Variants in PIWIL2 observed in about 807,000 individuals in gnomAD.
PIWIL2 encodes piwi like RNA-mediated gene silencing 2.
A neutral mutation model predicts 116.5 loss-of-function variants in PIWIL2; 81 were observed. That is an observed-to-expected ratio of 0.70 (90% CI 0.58 to 0.84). PIWIL2 has a LOEUF of 0.84. PIWIL2 is among the 40% of genes least tolerant of loss of function. The pLI is 0.00. For missense variants in PIWIL2, 1,272 were observed against 1,212.3 expected (o/e 1.05, Z -0.73); for synonymous variants, 489 against 429.5 (o/e 1.14, Z -1.71).
chr8:22,320,258 G>GTTT (rs1218378035), intron 20 of PIWIL2, among the ~76,000 whole-genome samples: 1 of 105,788 alleles, frequency 9.5e-6, no homozygotes, highest in South Asian at 3.5e-4. Context: ...GCTGCGCCCG[G>GTTT]CTTTTTTTTT....
chr8:22,286,720 G>A (rs2131991707), intron 6 of PIWIL2, among the ~76,000 whole-genome samples: 1 of 152,240 alleles, frequency 6.6e-6, no homozygotes, highest in South Asian at 2.1e-4. Context: ...CTCCCAGGCT[G>A]AAATGATTCT....
chr8:22,330,436 C>T (rs535289241), intron 20 of PIWIL2, among the ~76,000 whole-genome samples: 213 of 152,216 alleles, frequency 1.4e-3, no homozygotes, highest in African/African-American at 4.8e-3. Flanking sequence ...TGGTGGCTCA[C>T]GCCTATAATC....
chr8:22,321,391 GC>G (rs1831595531), intron 20 of PIWIL2, among the ~76,000 whole-genome samples: 1 of 152,180 alleles, frequency 6.6e-6, no homozygotes, highest in Non-Finnish European at 1.5e-5. Flanking sequence ...GGGATTACGG[GC>G]ATGAGCCACT....
chr8:22,303,258 A>G (rs1184910848), intron 10 of PIWIL2, among the ~76,000 whole-genome samples: 2 of 152,240 alleles, frequency 1.3e-5, no homozygotes, highest in Admixed American at 6.5e-5. Flanking sequence ...GTAAGTAACA[A>G]TGAAAATGGA....
At chr8:22,327,839 A>C (rs957486691) in intron 20 of PIWIL2, among the ~76,000 whole-genome samples, 1 of 152,222 alleles carries the variant, frequency 6.6e-6, no homozygotes, top group Non-Finnish European at 1.5e-5. Flanking sequence ...AGTTTTTAAA[A>C]TATTCTGGAA....
In PIWIL2 at chr8:22,283,067, A is replaced by G. The variant is rs769086050; in HGVS notation, c.459A>G (p.Leu153=). ...TLGRGSSDAS[L]LPLGRAAGGI... is the part of the protein sequence containing the mutation. ...GAAGAGGGAGTTCAGATGCGTCTTTATTACCACTGGGAAGAGCAGCAGGTG... is the reference window on the plus strand; with the variant it reads ...GAAGAGGGAGTTCAGATGCGTCTTTGTTACCACTGGGAAGAGCAGCAGGTG... Residue 153 remains leucine, a synonymous_variant, in exon 5 of 23, where the codon TTA becomes TTG. Transcript: ENST00000356766. The G allele has an allele frequency of 2.5e-6, 4 of 1,614,148 alleles. No homozygotes were observed. The highest frequency in any genetic ancestry group is 2.7e-5 in the African/African-American group (2 of 75,022).
Position 22,318,175 on chromosome 8 carries a change from T to G in PIWIL2, c.2303T>G (p.Leu768Arg). The change falls in exon 20 of 23, where the codon CTC (leucine) becomes CGC (arginine). Residue 768 changes from leucine (L) to arginine (R), a missense_variant. Leu to Arg is a moderately radical substitution (Grantham distance 102, BLOSUM62 -2). Transcript: ENST00000356766. ...TCTGCTCACCCTGACCCTAGCACCC[T>G]CACAAAATGGTATTCCCGGGTGGTG... ...VGFVASINLTLTKWYSRVVFQ... is the reference protein window; with the variant it reads ...VGFVASINLTRTKWYSRVVFQ... 6.2e-7 allele frequency: 1 copy of G among 1,608,294 alleles called. No homozygotes were observed. The highest frequency in any genetic ancestry group is 8.5e-7 in the Non-Finnish European group (1 of 1,174,862).
chr8:22,339,192 A>G (rs1832049303), intron 20 of PIWIL2, among the ~76,000 whole-genome samples: 1 of 152,166 alleles, frequency 6.6e-6, no homozygotes, highest in African/African-American at 2.4e-5. Flanking sequence ...AAATGGATCA[A>G]AGACCTAAAT....
chr8:22,280,950 C>G (rs922427989), intron 2 of PIWIL2, among the ~76,000 whole-genome samples, 170 bp from the exon 3 acceptor site: 1 of 152,112 alleles, frequency 6.6e-6, no homozygotes, highest in Non-Finnish European at 1.5e-5. Context: ...GCTTTAAGAC[C>G]TAATATTACA....
chr8:22,319,627 G>A (rs1358148211), intron 20 of PIWIL2, among the ~76,000 whole-genome samples: 2 of 152,212 alleles, frequency 1.3e-5, no homozygotes, highest in African/African-American at 4.8e-5. Context: ...CAAGTTTGAT[G>A]TTCACAATCA....
At chr8:22,327,712 G>A (rs762096684) in intron 20 of PIWIL2, among the ~76,000 whole-genome samples, 9 of 152,176 alleles carry the variant, frequency 5.9e-5, no homozygotes, top group African/African-American at 1.2e-4. Context: ...TTTGACTTGC[G>A]TTTCTTAATG....
rs2132117178 is a variant in PIWIL2, at chr8:22,354,351, CA to C, written c.2741del (p.Asn914ThrfsTer2). On this transcript the variant is annotated frameshift_variant, in exon 22 of 23. Coordinates refer to ENST00000356766, the MANE Select transcript of PIWIL2 (RefSeq NM_018068.5). LOFTEE classifies it high-confidence loss of function. Reference protein sequence around the residue: ...PTHYVCVLNTANLSPDHMQRL... With the variant: ...PTHYVCVLNTXNLSPDHMQRL... ...CATTATGTCTGTGTTCTCAACACCGCAAACCTGAGCCCTGATCATATGCAGA... is the reference window on the plus strand; with the variant it reads ...CATTATGTCTGTGTTCTCAACACCGCAACCTGAGCCCTGATCATATGCAGA... 6.2e-7 allele frequency: 1 copy of C among 1,611,904 alleles called. No homozygotes were observed. The highest frequency in any genetic ancestry group is 1.3e-5 in the African/African-American group (1 of 74,972).
At position 22,281,482 on chromosome 8, in the gene PIWIL2, G is replaced by A. The variant is rs781353424; in HGVS notation, c.392G>A (p.Ser131Asn). ...CCAAAAGTGTTGGCGGCTGGGGACAGCAAGATGGCAGAGACCTCCGTTGGT... is the reference window on the plus strand; with the variant it reads ...CCAAAAGTGTTGGCGGCTGGGGACAACAAGATGGCAGAGACCTCCGTTGGT... ...WDPKVLAAGD[S>N]KMAETSVGWS... The change falls in exon 4 of 23, where the codon AGC becomes AAC. Residue 131 changes from serine to asparagine, a missense_variant. Coordinates refer to ENST00000356766, the MANE Select transcript of PIWIL2 (RefSeq NM_018068.5). 2 of 1,595,426 alleles carry A rather than the reference G, an allele frequency of 1.3e-6. No individual in the cohort carries two copies. The highest frequency in any genetic ancestry group is 2.2e-5 in the East Asian group (1 of 44,536).
chr8:22,307,855 T>C, intron 13 of PIWIL2, 78 bp from the exon 14 acceptor site: 1 of 1,107,492 alleles, frequency 9.0e-7, no homozygotes, highest in Non-Finnish European at 1.3e-6. Context: ...GAGAAACATT[T>C]TAGACCTACT....
At chr8:22,324,671 A>C (rs1831681870) in intron 20 of PIWIL2, among the ~76,000 whole-genome samples, 1 of 152,194 alleles carries the variant, frequency 6.6e-6, no homozygotes, top group Admixed American at 6.5e-5. Flanking sequence ...AAGAAGATGA[A>C]GTCCCAATCC....
chr8:22,345,494 C>T (rs1332769243), intron 20 of PIWIL2, among the ~76,000 whole-genome samples: 1 of 152,070 alleles, frequency 6.6e-6, no homozygotes, highest in East Asian at 1.9e-4. Flanking sequence ...AACCGCATCT[C>T]TAGTAAAAAT....
intron 5 of PIWIL2, among the ~76,000 whole-genome samples, chr8:22,283,527 A>G (rs1038698564): frequency 6.6e-5 from 10 of 152,232 alleles, no homozygotes; most frequent in African/African-American, 2.2e-4. Context: ...CCCTGCCTCA[A>G]CCTCCCAAGT....
intron 22 of PIWIL2, 123 bp from the exon 23 acceptor site, chr8:22,355,225 CT>C (rs1446552925): frequency 3.7e-6 from 3 of 821,484 alleles, no homozygotes; most frequent in African/African-American, 3.3e-5. Context: ...TCATGTATTC[CT>C]CTGCTCCCCA....
intron 10 of PIWIL2, among the ~76,000 whole-genome samples, chr8:22,291,051 C>T (rs1408048265): frequency 6.6e-6 from 1 of 151,676 alleles, no homozygotes; most frequent in African/African-American, 2.4e-5. Flanking sequence ...TCACTGCACC[C>T]TCTACCTCTT....
Sources: allele counts gnomAD v4.1 joint callset (sites outside exome capture counted in the v4.1 genomes callset), GRCh38; gene constraint gnomAD v4.1.1; transcripts MANE v1.5; gene names NCBI Gene and HGNC (gene_info 2026-07-23, HGNC 2026-07-21).